APOL3: variants seen among roughly 807,000 people sequenced by gnomAD.
APOL3 encodes the protein TNF-inducible protein CG12-1.
A neutral mutation model predicts 11.6 loss-of-function variants in APOL3; 14 were observed. That is an observed-to-expected ratio of 1.21 (90% CI 0.80 to 1.89). APOL3 has a LOEUF of 1.89. Among genes scored for constraint, APOL3 ranks in the 40% most tolerant of loss-of-function variants. The probability of loss-of-function intolerance (pLI) is 0.00; values close to 1 mark genes in which losing one functional copy is unlikely to be tolerated. For synonymous variants in APOL3, 192 were observed against 190.6 expected (o/e 1.01, Z -0.06); for missense variants, 483 against 492.1 (o/e 0.98, Z 0.17).
At chr22:36,153,796 T>C (rs1016414602) in intron 1 of APOL3, among the ~76,000 whole-genome samples, 2 of 152,240 alleles carry the variant, frequency 1.3e-5, no homozygotes, top group East Asian at 1.9e-4. Context: ...GAAGTCCTGA[T>C]GACATGTGCC....
chr22:36,163,700 G>C (rs966676182), upstream of APOL3, among the ~76,000 whole-genome samples: 1 of 152,230 alleles, frequency 6.6e-6, no homozygotes, highest in Non-Finnish European at 1.5e-5. Context: ...AAGAGCAGGG[G>C]ACACTCTCTC....
chr22:36,152,255 A>G (rs970725534), intron 1 of APOL3, among the ~76,000 whole-genome samples: 3 of 152,164 alleles, frequency 2.0e-5, no homozygotes, highest in Admixed American at 6.5e-5. Context: ...CAAGAGGGGG[A>G]AAAAACAAAG....
At chr22:36,143,639 C>T (rs1263239785) in intron 2 of APOL3, among the ~76,000 whole-genome samples, 1 of 152,232 alleles carries the variant, frequency 6.6e-6, no homozygotes, top group African/African-American at 2.4e-5. Context: ...CCACTGCCCC[C>T]TTTGACTGAA....
intron 1 of APOL3, among the ~76,000 whole-genome samples, chr22:36,157,673 C>A (rs148451770): frequency 6.6e-6 from 1 of 152,156 alleles, no homozygotes; most frequent in African/African-American, 2.4e-5. Context: ...ATAGGAAGCA[C>A]GGTTTGCAAT....
chr22:36,153,382 A>G (rs1453621792), intron 1 of APOL3: 1 of 456,188 alleles, frequency 2.2e-6, no homozygotes, highest in Non-Finnish European at 4.4e-6. Flanking sequence ...TGATGGGAGA[A>G]ATGTCAGCTT....
rs752686550 is a variant in APOL3, at chr22:36,145,607, G to A, written c.224-8C>T. 2 of 1,611,732 alleles carry A rather than the reference G, an allele frequency of 1.2e-6. No individual in the cohort carries two copies. The highest frequency in any genetic ancestry group is 1.1e-5 in the South Asian group (1 of 90,794). On this transcript the variant is annotated splice_polypyrimidine_tract_variant and splice_region_variant and intron_variant, in intron 1 of 2. Transcript: ENST00000349314. ...CAGTAAAGCGTTTCTTTTCTACTTG[G>A]AAACAAAAAGCATAAGATTGGAAGA...
At chr22:36,145,980 T>TTCTCTCTCTCTCTCTCTC (rs71193207) in intron 1 of APOL3, among the ~76,000 whole-genome samples, 1,559 of 117,974 alleles carry the variant, frequency 0.013, 12 homozygotes, top group East Asian at 0.036. Context: ...CTGTCTCTCT[T>TTCTCTCTCTCTCTCTCTC]TCTCTCTCTC....
chr22:36,145,514 A>G (rs1483111767), exon 2 of APOL3: 2 of 1,614,162 alleles, frequency 1.2e-6, no homozygotes, highest in Non-Finnish European at 1.7e-6. Flanking sequence ...TCCAGGCTTC[A>G]TTGTTAGTCA....
chr22:36,145,009 CAAA>C (rs1312228074), intron 2 of APOL3, among the ~76,000 whole-genome samples: 3 of 37,944 alleles, frequency 7.9e-5, no homozygotes, highest in Admixed American at 3.3e-4. Flanking sequence ...GACTCTGTCT[CAAA>C]AAAAAAAAAA....
At chr22:36,154,517 AT>A (rs2012412291) in intron 1 of APOL3, 1 of 438,528 alleles carries the variant, frequency 2.3e-6, no homozygotes, top group South Asian at 1.7e-5. Flanking sequence ...ATAAATGGAT[AT>A]TTTTCCTTCT....
chr22:36,141,724 C>G (rs756660804), exon 3 of APOL3: 3 of 1,614,066 alleles, frequency 1.9e-6, no homozygotes, highest in Admixed American at 3.3e-5. Flanking sequence ...ACAGCAGACG[C>G]TGCTCCCAGC....
chr22:36,154,812 T>C (rs1187325619), intron 1 of APOL3, among the ~76,000 whole-genome samples: 2 of 152,196 alleles, frequency 1.3e-5, no homozygotes, highest in Non-Finnish European at 2.9e-5. Flanking sequence ...GCCTGTTTTT[T>C]CTACACCAAG....
upstream of APOL3, among the ~76,000 whole-genome samples, chr22:36,162,378 A>C (rs1009420991): frequency 2.0e-5 from 3 of 152,192 alleles, no homozygotes; most frequent in African/African-American, 7.2e-5. Context: ...GGTCACCCCA[A>C]GTTCATTATA....
At chr22:36,151,280 G>C (rs911985836) in intron 1 of APOL3, among the ~76,000 whole-genome samples, 3 of 152,094 alleles carry the variant, frequency 2.0e-5, no homozygotes, top group African/African-American at 7.2e-5. Context: ...ATAGATCTAG[G>C]ATCAGATAAA....
upstream of APOL3, among the ~76,000 whole-genome samples, chr22:36,162,745 C>T (rs4613389): frequency 2.6e-5 from 4 of 152,232 alleles, no homozygotes; most frequent in Admixed American, 6.5e-5. Flanking sequence ...TGGTCCAGAA[C>T]TCCAGCTCTG....
intron 1 of APOL3, chr22:36,146,009 T>TCACACA (rs71193208): frequency 0.018 from 2,192 of 119,786 alleles, 22 homozygotes; most frequent in Middle Eastern, 0.036. Context: ...TCTCACACAC[T>TCACACA]CACACACACA....
In APOL3 at chr22:36,160,875, C is replaced by A. The variant is rs2146909339; in HGVS notation, c.17G>T (p.Gly6Val). ...AAAACAGGATGCTTCCCAGCCCCAC[C>A]CTTGGCCCAGTCCCATCCTTGGTCC... Residue 6 changes from glycine (G) to valine (V), a missense_variant, in exon 1 of 3, where the codon GGG becomes GTG. By Grantham distance (109) the Gly-to-Val change is moderately radical (BLOSUM62 -3). Transcript: ENST00000349314. 2 of 1,613,492 alleles carry A rather than the reference C, an allele frequency of 1.2e-6. No homozygotes were observed. The highest frequency in any genetic ancestry group is 1.7e-5 in the Admixed American group (1 of 59,998).
chr22:36,152,572 A>G (rs1184438241), intron 1 of APOL3, among the ~76,000 whole-genome samples: 1 of 152,222 alleles, frequency 6.6e-6, no homozygotes, highest in Non-Finnish European at 1.5e-5. Flanking sequence ...TTAAGGGCAT[A>G]AGAAATAAAG....
chr22:36,140,634 C>T, exon 3 of APOL3: 1 of 155,166 alleles, frequency 6.4e-6, no homozygotes. Flanking sequence ...ACACTACAAC[C>T]ACCACCTCCA....
Sources: gnomAD v4.1 joint callset for allele counts (sites outside exome capture counted in the v4.1 genomes callset) on GRCh38, gnomAD v4.1.1 for gene constraint, MANE v1.5 for transcripts, NCBI Gene and HGNC (gene_info 2026-07-23, HGNC 2026-07-21) for gene names.